TASOR: variants seen among roughly 807,000 people sequenced by gnomAD.
The protein encoded by TASOR is protein TASOR.
In TASOR, 53 loss-of-function variants were observed where a neutral mutation model predicts 178.6. The observed-to-expected ratio is 0.30, with a 90% CI of 0.24 to 0.37. The LOEUF (loss-of-function observed/expected upper bound fraction) is 0.37, where lower values mean the gene tolerates loss of function less well. TASOR is among the 10% of genes least tolerant of loss of function. TASOR has a pLI of 1.00. For missense variants in TASOR, 1,815 were observed against 1,971.4 expected, an observed-to-expected ratio of 0.92 and a Z score of 1.50; for synonymous variants, 713 against 696.2, an observed-to-expected ratio of 1.02 and a Z score of -0.38.
intron 11 of TASOR, among the ~76,000 whole-genome samples, chr3:56,658,614 A>G (rs4681726): frequency 0.19 from 28,176 of 152,172 alleles, 3,442 homozygotes; most frequent in South Asian, 0.4. Context: ...GTTCATATGC[A>G]GTGAGAAAGT....
rs1205934875 is a variant in TASOR, at chr3:56,662,823, T to C, written c.1055-333A>G. On this transcript the variant is annotated intron_variant, in intron 8 of 23. Transcript: ENST00000683822. ...CAAAGGGACACTGTATGAAATCTGG[T>C]TGATTATATGAATGCCTACAGTGTC... Among the ~76,000 whole-genome samples the C allele has an allele frequency of 3.3e-5, 5 of 152,214 alleles. No individual in the cohort carries two copies. In the East Asian group the frequency reaches 9.6e-4, roughly 29 times the overall value.
At chr3:56,650,461 G>A (rs2077327898) in intron 11 of TASOR, among the ~76,000 whole-genome samples, 1 of 152,164 alleles carries the variant, frequency 6.6e-6, no homozygotes. Context: ...TTTAGTGGAA[G>A]CAGGCTGGTG....
At position 56,633,231 on chromosome 3, in the gene TASOR, A is replaced by G; in HGVS notation, c.3560T>C (p.Val1187Ala). 1 of 1,614,120 alleles carries G rather than the reference A, an allele frequency of 6.2e-7. No individual in the cohort carries two copies. Among genetic ancestry groups the G allele is most frequent in the Non-Finnish European group, 8.5e-7 (1 of 1,180,014 alleles). Reference protein sequence around the residue: ...IVPGDMAREPVEETTKSPSDV... With the variant: ...IVPGDMAREPAEETTKSPSDV... The stretch of plus-strand genomic sequence containing the variant: ...ACTGGGGGATTTTGTTGTTTCTTCT[A>G]CTGGTTCCCGGGCCATATCACCAGG... The change falls in exon 18 of 24, where the codon GTA becomes GCA. Residue 1187 changes from valine to alanine, a missense_variant. Val to Ala is a moderately conservative substitution (Grantham distance 64). Coordinates refer to ENST00000683822, the MANE Select transcript of TASOR (RefSeq NM_001365635.2).
intron 11 of TASOR, among the ~76,000 whole-genome samples, chr3:56,653,263 A>AG (rs2077391248): frequency 1.1e-5 from 1 of 90,478 alleles, no homozygotes; most frequent in Non-Finnish European, 2.0e-5. Flanking sequence ...ACTCCATCTC[A>AG]AAAAAAAAAA....
At chr3:56,640,280 A>T in intron 15 of TASOR, 150 bp from the exon 16 acceptor site, 1 of 662,858 alleles carries the variant, frequency 1.5e-6, no homozygotes, top group Non-Finnish European at 2.5e-6. Context: ...CTAGTTTCAA[A>T]ATTAAAACAT....
chr3:56,662,752 A>G (rs2077624368), intron 8 of TASOR, among the ~76,000 whole-genome samples: 2 of 152,238 alleles, frequency 1.3e-5, no homozygotes, highest in East Asian at 1.9e-4. Context: ...ATTATCAGAA[A>G]AGTTGGGGAG....
chr3:56,678,040 G>A (rs905911627), intron 1 of TASOR, among the ~76,000 whole-genome samples: 1 of 151,926 alleles, frequency 6.6e-6, no homozygotes, highest in Non-Finnish European at 1.5e-5. Flanking sequence ...GATTTACAAG[G>A]GCACTTAGAG....
At chr3:56,638,808 T>TC in intron 16 of TASOR, 43 bp from the exon 17 acceptor site, 2 of 1,551,672 alleles carry the variant, frequency 1.3e-6, no homozygotes, top group Non-Finnish European at 1.8e-6. Context: ...ACATTAGTGA[T>TC]ACCTACACTA....
chr3:56,654,413 T>C (rs1578249295), intron 11 of TASOR, among the ~76,000 whole-genome samples: 1 of 151,646 alleles, frequency 6.6e-6, no homozygotes. Flanking sequence ...TGGGGGGTGG[T>C]AGTTTCTATA....
chr3:56,682,711 C>G lies in TASOR; in HGVS notation c.296G>C (p.Ser99Thr). The change falls in exon 1 of 24, where the codon AGT becomes ACT. Residue 99 changes from serine (S) to threonine (T), a missense_variant. Coordinates refer to ENST00000683822, the MANE Select transcript of TASOR (RefSeq NM_001365635.2). ...PEEPERPVRRSFQIPRKSREK... is the reference protein window; with the variant it reads ...PEEPERPVRRTFQIPRKSREK... ...TCTGCTCTTCCTGGGGATCTGAAAA[C>G]TCCTCCTAACAGGCCTTTCGGGCTC... is the stretch of plus-strand genomic sequence containing the variant. The G allele has an allele frequency of 2.0e-6, 3 of 1,486,650 alleles. No individual in the cohort carries two copies. The highest frequency in any genetic ancestry group is 2.7e-6 in the Non-Finnish European group (3 of 1,115,976). 92.1% of individuals were successfully genotyped at this position (1,486,650 alleles called of 1,614,324 possible).
chr3:56,665,048 T>C (rs1434590957), intron 7 of TASOR, among the ~76,000 whole-genome samples: 3 of 152,134 alleles, frequency 2.0e-5, no homozygotes, highest in South Asian at 2.1e-4. Context: ...GGTGCATGCC[T>C]GTAGTCCCAG....
intron 9 of TASOR, among the ~76,000 whole-genome samples, chr3:56,662,117 C>G (rs2077610031): frequency 1.4e-5 from 2 of 144,594 alleles, no homozygotes; most frequent in South Asian, 2.2e-4. Context: ...GTGACAAGAG[C>G]GAAACTCCGT....
At chr3:56,637,585 C>CTT (rs55907625) in intron 17 of TASOR, among the ~76,000 whole-genome samples, 47,004 of 146,732 alleles carry the variant, frequency 0.32, 7,856 homozygotes, top group East Asian at 0.48. Flanking sequence ...TTCATGGTTT[C>CTT]TTTTTTTTTT....
intron 20 of TASOR, 77 bp downstream of exon 20, chr3:56,627,505 G>T: frequency 1.4e-6 from 2 of 1,458,394 alleles, no homozygotes; most frequent in South Asian, 1.2e-5. Context: ...TCTGTGAATG[G>T]CAGAATAAAT....
chr3:56,623,902 C>T, intron 23 of TASOR: 2 of 1,377,800 alleles, frequency 1.5e-6, no homozygotes, highest in Non-Finnish European at 9.9e-7. Flanking sequence ...AATTTTTTGA[C>T]ATCTAGCTTC....
chr3:56,665,253 C>A (rs942548802), intron 7 of TASOR, among the ~76,000 whole-genome samples: 1 of 152,356 alleles, frequency 6.6e-6, no homozygotes, highest in African/African-American at 2.4e-5. Context: ...AATGCCTTGA[C>A]TGCCCACTAA....
In TASOR at chr3:56,641,599, G is replaced by C. The variant is rs1021863071; in HGVS notation, c.2369C>G (p.Thr790Arg). 1.2e-6 allele frequency: 2 copies of C among 1,614,066 alleles called. No homozygotes were observed. Among genetic ancestry groups the C allele is most frequent in the South Asian group, 2.2e-5 (2 of 91,082 alleles). Residue 790 changes from threonine to arginine, a missense_variant, in exon 15 of 24, where the codon ACA becomes AGA. Coordinates refer to ENST00000683822, the MANE Select transcript of TASOR (RefSeq NM_001365635.2). ...ANARHSDASL[T>R]DTVNKALGLS... ...TCCTAAGGCTTTGTTGACTGTGTCT[G>C]TCAGAGATGCATCAGAATGGCGCGC...
intron 7 of TASOR, 38 bp downstream of exon 7, chr3:56,666,222 T>C (rs1295483214): frequency 1.4e-6 from 2 of 1,481,416 alleles, no homozygotes; most frequent in East Asian, 5.1e-5. Context: ...GTAGTAGAAT[T>C]ATCACTGCGG....
intron 21 of TASOR, among the ~76,000 whole-genome samples, chr3:56,625,812 T>C (rs12490749): frequency 0.32 from 48,878 of 151,616 alleles, 8,354 homozygotes; most frequent in East Asian, 0.49. Flanking sequence ...TTAGTACAGA[T>C]GGGGTTTCAC....
Sources: gnomAD v4.1 joint callset for allele counts (sites outside exome capture counted in the v4.1 genomes callset) on GRCh38, gnomAD v4.1.1 for gene constraint, MANE v1.5 for transcripts, NCBI Gene and HGNC (gene_info 2026-07-23, HGNC 2026-07-21) for gene names.